Variants in GPHN observed in about 807,000 individuals in gnomAD.
GPHN encodes gephyrin.
In GPHN, 17 loss-of-function variants were observed where a neutral mutation model predicts 95.5. The ratio of observed to expected loss-of-function variants is 0.18; its 90% CI spans 0.12 to 0.27. The LOEUF (loss-of-function observed/expected upper bound fraction) is 0.27, where lower values mean the gene tolerates loss of function less well. Ranked by LOEUF, GPHN falls within the 10% of genes least tolerant of loss-of-function variation. The probability of loss-of-function intolerance (pLI) is 1.00; values close to 1 mark genes in which losing one functional copy is unlikely to be tolerated. For synonymous variants in GPHN, 320 were observed against 322.5 expected (o/e 0.99, Z 0.08); for missense variants, 660 against 978.1 (o/e 0.67, Z 4.34).
the GPHN span, chr14:67,579,742 T>C: frequency 6.2e-7 from 1 of 1,612,968 alleles, no homozygotes; most frequent in Non-Finnish European, 8.5e-7. Flanking sequence ...TGACGGCTCT[T>C]CCACGGTTGA....
intron 2 of GPHN, among the ~76,000 whole-genome samples, chr14:66,693,575 TC>T (rs1398749305): frequency 6.6e-6 from 1 of 152,136 alleles, no homozygotes; most frequent in Non-Finnish European, 1.5e-5. Context: ...GAAATTTATA[TC>T]CCAGCTCCAG....
chr14:67,215,819 C>G, the GPHN span, among the ~76,000 whole-genome samples: 6,444 of 152,200 alleles, frequency 0.042, 147 homozygotes, highest in Middle Eastern at 0.054. Context: ...TCTTATGTCT[C>G]AAATCCAGTG....
chr14:67,620,564 C>T, the GPHN span, among the ~76,000 whole-genome samples: 1 of 152,000 alleles, frequency 6.6e-6, no homozygotes, highest in Non-Finnish European at 1.5e-5. Context: ...CTCTCCAGCG[C>T]GGGAGGTGGG....
chr14:67,420,931 C>T, the GPHN span, among the ~76,000 whole-genome samples: 5 of 152,324 alleles, frequency 3.3e-5, no homozygotes, highest in South Asian at 1.0e-3. Context: ...TGGTAAAGTA[C>T]AGATCTGATT....
intron 4 of GPHN, among the ~76,000 whole-genome samples, chr14:66,867,763 A>G (rs914694356): frequency 6.6e-5 from 10 of 152,202 alleles, no homozygotes; most frequent in Non-Finnish European, 1.3e-4. Flanking sequence ...GGATTCTCAC[A>G]TTTATGTCAG....
At chr14:66,683,367 T>C (rs78247160) in intron 2 of GPHN, among the ~76,000 whole-genome samples, 17 of 18,910 alleles carry the variant, frequency 9.0e-4, no homozygotes, top group African/African-American at 2.6e-3. Flanking sequence ...TATATATATA[T>C]ATATATATAT....
At chr14:66,796,635 CA>C (rs1241615926) in intron 3 of GPHN, among the ~76,000 whole-genome samples, 1 of 151,718 alleles carries the variant, frequency 6.6e-6, no homozygotes, top group Non-Finnish European at 1.5e-5. Context: ...GCCTATTTGC[CA>C]TTTATATCAA....
intron 11 of GPHN, among the ~76,000 whole-genome samples, chr14:67,077,982 G>A (rs756743523): frequency 6.6e-5 from 10 of 152,108 alleles, no homozygotes; most frequent in Admixed American, 1.3e-4. Flanking sequence ...TGTAGAATCC[G>A]TAAATATGCA....
intron 3 of GPHN, among the ~76,000 whole-genome samples, chr14:66,813,500 C>T (rs965030722): frequency 6.6e-6 from 1 of 152,202 alleles, no homozygotes. Context: ...GTGAGTTGAA[C>T]TGGCAAGGAG....
chr14:66,695,145 A>G (rs1371161854), intron 2 of GPHN, among the ~76,000 whole-genome samples: 1 of 152,164 alleles, frequency 6.6e-6, no homozygotes, highest in East Asian at 1.9e-4. Flanking sequence ...TGGGCAACAG[A>G]GCAAGACTCT....
At chr14:67,727,606 T>C in the GPHN span, 10 of 245,974 alleles carry the variant, frequency 4.1e-5, no homozygotes, top group East Asian at 1.2e-3. Context: ...CATCAGCCTC[T>C]TGAGTAGTTG....
chr14:67,577,194 G>T, the GPHN span: 1 of 747,598 alleles, frequency 1.3e-6, no homozygotes, highest in Non-Finnish European at 2.3e-6. Flanking sequence ...AAGTGTTGAC[G>T]GAAGATAAAC....
At chr14:66,774,308 A>G (rs537461804) in intron 2 of GPHN, among the ~76,000 whole-genome samples, 3 of 152,222 alleles carry the variant, frequency 2.0e-5, no homozygotes, top group African/African-American at 7.2e-5. Flanking sequence ...GGCCATATCT[A>G]CAAGGTTTTA....
the GPHN span, among the ~76,000 whole-genome samples, chr14:67,590,377 C>T: frequency 5.3e-5 from 8 of 151,936 alleles, no homozygotes; most frequent in East Asian, 9.7e-4. Flanking sequence ...TTCAGCCTCC[C>T]GAGTAGCTGG....
chr14:66,781,897 A>G (rs551406722), intron 3 of GPHN, among the ~76,000 whole-genome samples: 5 of 152,292 alleles, frequency 3.3e-5, no homozygotes, highest in Admixed American at 2.0e-4. Flanking sequence ...GAAGAGTGGA[A>G]TTCCTGGGTA....
chr14:67,602,967 T>A, the GPHN span, among the ~76,000 whole-genome samples: 5 of 152,246 alleles, frequency 3.3e-5, no homozygotes, highest in Non-Finnish European at 5.9e-5. Flanking sequence ...AGCATTATTA[T>A]AATAAAGGGT....
intron 8 of GPHN, among the ~76,000 whole-genome samples, chr14:66,938,454 T>C (rs530984213): frequency 6.6e-6 from 1 of 152,292 alleles, no homozygotes; most frequent in African/African-American, 2.4e-5. Context: ...GTATTCCTTT[T>C]TCATTCTGTG....
At chr14:67,026,342 A>T (rs2073922255) in intron 10 of GPHN, among the ~76,000 whole-genome samples, 2 of 151,172 alleles carry the variant, frequency 1.3e-5, no homozygotes, top group African/African-American at 4.9e-5. Flanking sequence ...TATTATTGTT[A>T]CTATTACTAC....
chr14:67,392,281 G>T, the GPHN span: 1 of 1,270,786 alleles, frequency 7.9e-7, no homozygotes, highest in Non-Finnish European at 1.2e-6. Context: ...CCTCCCCTAA[G>T]CTTGAGAACT....
Sources: allele counts gnomAD v4.1 joint callset (sites outside exome capture counted in the v4.1 genomes callset), GRCh38; gene constraint gnomAD v4.1.1; transcripts MANE v1.5; gene names NCBI Gene and HGNC (gene_info 2026-07-23, HGNC 2026-07-21).